Variants in FBXO25 observed in about 807,000 individuals in gnomAD.
FBXO25 encodes the protein F-box only protein 25.
A neutral mutation model predicts 51.9 loss-of-function variants in FBXO25; 45 were observed. The observed-to-expected ratio is 0.87, with a 90% CI of 0.68 to 1.11. The LOEUF is 1.11. Among genes scored for constraint, FBXO25 ranks in the 50% most tolerant of loss-of-function variants. The pLI is 0.00. For missense variants in FBXO25, 507 were observed against 428.5 expected, an observed-to-expected ratio of 1.18 and a Z score of -1.62; for synonymous variants, 199 against 151.0, an observed-to-expected ratio of 1.32 and a Z score of -2.33.
At chr8:414,823 G>C (rs1372651451) in intron 2 of FBXO25, among the ~76,000 whole-genome samples, 2 of 152,156 alleles carry the variant, frequency 1.3e-5, no homozygotes, top group African/African-American at 2.4e-5. Flanking sequence ...GAACTAGTCA[G>C]CACCACCTTT....
At position 451,398 on chromosome 8, in the gene FBXO25, G is replaced by C. The variant is rs144227759; in HGVS notation, c.605G>C (p.Arg202Pro). The change falls in exon 7 of 10, where the codon CGA becomes CCA. Residue 202 changes from arginine to proline, a missense_variant. Arg to Pro is a moderately radical substitution (Grantham distance 103, BLOSUM62 -2). Coordinates refer to ENST00000350302, the MANE Select transcript of FBXO25 (RefSeq NM_183420.2). ...GGAAACATCAATATTTGGATTTGCC[G>C]ATTAGAAACTATTCTCGCCTGGCAA... ...LVGNINIWIC[R>P]LETILAWQQQ... The C allele has an allele frequency of 6.2e-7, 1 of 1,613,902 alleles. No homozygotes were observed. The highest frequency in any genetic ancestry group is 1.3e-5 in the African/African-American group (1 of 75,026).
chr8:445,992 G>A (rs1188763902), intron 5 of FBXO25, among the ~76,000 whole-genome samples: 1 of 151,986 alleles, frequency 6.6e-6, no homozygotes, highest in East Asian at 1.9e-4. Context: ...CTTCCATAAT[G>A]TAGCATGTCG....
intron 7 of FBXO25, among the ~76,000 whole-genome samples, chr8:452,441 A>C (rs1366536899): frequency 1.3e-5 from 2 of 152,286 alleles, no homozygotes; most frequent in East Asian, 3.9e-4. Context: ...GGGTTGTGCT[A>C]AAAGTCCATC....
At chr8:427,095 G>C (rs994695667) in intron 2 of FBXO25, among the ~76,000 whole-genome samples, 3 of 152,042 alleles carry the variant, frequency 2.0e-5, no homozygotes, top group Non-Finnish European at 1.5e-5. Context: ...AATACGACCT[G>C]ATTGGAAAAT....
chr8:452,063 C>T (rs1217857617), intron 7 of FBXO25, among the ~76,000 whole-genome samples: 1 of 152,160 alleles, frequency 6.6e-6, no homozygotes, highest in Non-Finnish European at 1.5e-5. Context: ...TAGCGGTGTG[C>T]CTTACGTAGC....
At chr8:461,456 C>T (rs544285140) in intron 8 of FBXO25, among the ~76,000 whole-genome samples, 95 of 152,124 alleles carry the variant, frequency 6.2e-4, no homozygotes, top group Non-Finnish European at 1.2e-3. Flanking sequence ...GGGGAACTGC[C>T]CTTTATAAAA....
chr8:473,088 T>C lies in FBXO25; in HGVS notation c.*4284T>C. On this transcript the variant is annotated 3_prime_UTR_variant, in exon 10 of 10. Transcript: ENST00000350302. ...GCTGACACCAGCATCCACCCTGCAC[T>C]CATATGTATCTCAACAGAATTGCTG... is the stretch of plus-strand genomic sequence containing the variant. The C allele has an allele frequency of 6.6e-6, 1 of 152,544 alleles. No homozygotes were observed. Among genetic ancestry groups the C allele is most frequent in the Non-Finnish European group, 1.5e-5 (1 of 68,194 alleles). 9.4% of individuals were successfully genotyped at this position (152,544 alleles called of 1,614,324 possible). A position where few individuals can be genotyped will look rare whatever the true frequency, so the allele number is the denominator to read the frequency against.
intron 2 of FBXO25, among the ~76,000 whole-genome samples, chr8:417,729 C>T (rs1209384355): frequency 3.9e-5 from 6 of 152,148 alleles, no homozygotes; most frequent in Non-Finnish European, 8.8e-5. Flanking sequence ...GGAAGTTGTT[C>T]CATGTCAGTG....
chr8:422,944 A>G (rs1389362552), intron 2 of FBXO25, among the ~76,000 whole-genome samples: 1 of 152,122 alleles, frequency 6.6e-6, no homozygotes. Flanking sequence ...ATTCTGCTGT[A>G]TATGAATTAT....
At position 451,428 on chromosome 8, in the gene FBXO25, A is replaced by T. The variant is rs1245974776; in HGVS notation, c.635A>T (p.Gln212Leu). 6.8e-6 allele frequency: 11 copies of T among 1,613,750 alleles called. No homozygotes were observed. Among genetic ancestry groups the T allele is most frequent in the Non-Finnish European group, 6.8e-6 (8 of 1,179,916 alleles). Reference protein sequence around the residue: ...RLETILAWQQQLQDLQMTKQV... With the variant: ...RLETILAWQQLLQDLQMTKQV... The stretch of plus-strand genomic sequence containing the variant: ...GAAACTATTCTCGCCTGGCAACAAC[A>T]GCTACAGGATCTTCAGATGACTAAG... The change falls in exon 7 of 10, where the codon CAG becomes CTG. Residue 212 changes from glutamine to leucine, a missense_variant. Gln to Leu is a moderately radical substitution (Grantham distance 113). Coordinates refer to ENST00000350302, the MANE Select transcript of FBXO25 (RefSeq NM_183420.2).
rs1415419341 is a variant in FBXO25, at chr8:476,611, T to G, written c.*7807T>G. 6.6e-6 allele frequency: 1 copy of G among 152,194 alleles called. No homozygotes were observed. Among genetic ancestry groups the G allele is most frequent in the East Asian group, 1.9e-4 (1 of 5,200 alleles). The allele number at this position is 152,194 out of a possible 1,614,324, so 9.4% of individuals were successfully genotyped here. A position where few individuals can be genotyped will look rare whatever the true frequency, so the allele number is the denominator to read the frequency against. ...TGTGTGTTTCTAAGAATTTGTCCAGTTCATCTAGGTTATCCAATTCTTTGA... is the reference window on the plus strand; with the variant it reads ...TGTGTGTTTCTAAGAATTTGTCCAGGTCATCTAGGTTATCCAATTCTTTGA... On this transcript the variant is annotated 3_prime_UTR_variant, in exon 10 of 10. Transcript: ENST00000350302.
chr8:469,815 A>C lies in FBXO25; in HGVS notation c.*1011A>C, dbSNP rs1414048586. The C allele has an allele frequency of 6.6e-6, 1 of 152,190 alleles. No individual in the cohort carries two copies. The highest frequency in any genetic ancestry group is 1.9e-4 in the East Asian group (1 of 5,186). 9.4% of individuals were successfully genotyped at this position (152,190 alleles called of 1,614,324 possible). A position where few individuals can be genotyped will look rare whatever the true frequency, so the allele number is the denominator to read the frequency against. ...TTGAATAGGGTCAAGGAGCCCAAGCAAATCATTTCTACTTTTTCCTTTAAG... is the reference window on the plus strand; with the variant it reads ...TTGAATAGGGTCAAGGAGCCCAAGCCAATCATTTCTACTTTTTCCTTTAAG... On this transcript the variant is annotated 3_prime_UTR_variant, in exon 10 of 10. Transcript: ENST00000350302.
At position 477,385 on chromosome 8, in the gene FBXO25, T is replaced by A. The variant is rs1018917765; in HGVS notation, c.*8581T>A. The A allele has an allele frequency of 6.6e-6, 1 of 152,270 alleles. No individual in the cohort carries two copies. Among genetic ancestry groups the A allele is most frequent in the African/African-American group, 2.4e-5 (1 of 41,474 alleles). 9.4% of individuals were successfully genotyped at this position (152,270 alleles called of 1,614,324 possible). ...GTCTCCTACTCTTACTGTAGAACTA[T>A]CCATTTCTTCCTTTGATTCTGTCAA... On this transcript the variant is annotated 3_prime_UTR_variant, in exon 10 of 10. Coordinates refer to ENST00000350302, the MANE Select transcript of FBXO25 (RefSeq NM_183420.2).
Position 471,484 on chromosome 8 carries a change from G to T in FBXO25, c.*2680G>T, listed in dbSNP as rs1462163687. On this transcript the variant is annotated 3_prime_UTR_variant, in exon 10 of 10. Coordinates refer to ENST00000350302, the MANE Select transcript of FBXO25 (RefSeq NM_183420.2). ...CTCCTGTGAGATTAAGTTACATTCT[G>T]ATGCCTTCATTACAATGAAGTAGAT... 1.3e-5 allele frequency: 2 copies of T among 152,198 alleles called. No homozygotes were observed. The highest frequency in any genetic ancestry group is 6.5e-5 in the Admixed American group (1 of 15,284). The allele number at this position is 152,198 out of a possible 1,614,324, so 9.4% of individuals were successfully genotyped here. A position where few individuals can be genotyped will look rare whatever the true frequency, so the allele number is the denominator to read the frequency against.
At position 477,798 on chromosome 8, in the gene FBXO25, A is replaced by G. The variant is rs1019527889; in HGVS notation, c.*8994A>G. On this transcript the variant is annotated 3_prime_UTR_variant, in exon 10 of 10. Coordinates refer to ENST00000350302, the MANE Select transcript of FBXO25 (RefSeq NM_183420.2). Reference sequence around the variant, plus strand: ...TCACATACTTTTCTTATGTCATTAGATATTACCCTTTTACATCTTTTCACT... The same window carrying G: ...TCACATACTTTTCTTATGTCATTAGGTATTACCCTTTTACATCTTTTCACT... 6.6e-6 allele frequency: 1 copy of G among 152,244 alleles called. No individual in the cohort carries two copies. The allele number at this position is 152,244 out of a possible 1,614,324, so 9.4% of individuals were successfully genotyped here.
At chr8:407,927 A>G (rs1796262992) in intron 1 of FBXO25, among the ~76,000 whole-genome samples, 1 of 152,224 alleles carries the variant, frequency 6.6e-6, no homozygotes, top group Admixed American at 6.5e-5. Context: ...CATTTTGAAG[A>G]CTAAAGAATC....
At chr8:453,675 A>AC (rs1799236718) in intron 7 of FBXO25, among the ~76,000 whole-genome samples, 1 of 152,058 alleles carries the variant, frequency 6.6e-6, no homozygotes, top group Non-Finnish European at 1.5e-5. Flanking sequence ...ATGGGGTTAG[A>AC]ACAGAGCAGC....
chr8:422,614 G>A (rs2117520399), intron 2 of FBXO25, among the ~76,000 whole-genome samples: 1 of 152,298 alleles, frequency 6.6e-6, no homozygotes, highest in African/African-American at 2.4e-5. Context: ...GAAACTTGGG[G>A]ACACTGTGTG....
At chr8:407,322 C>T (rs1244943574) in intron 1 of FBXO25, 1 of 969,058 alleles carries the variant, frequency 1.0e-6, no homozygotes, top group Admixed American at 6.3e-5. Flanking sequence ...GTCGCGGGCG[C>T]GTCAGGTGGG....
Sources: allele counts gnomAD v4.1 joint callset (sites outside exome capture counted in the v4.1 genomes callset), GRCh38; gene constraint gnomAD v4.1.1; transcripts MANE v1.5; gene names NCBI Gene and HGNC (gene_info 2026-07-23, HGNC 2026-07-21).